Variants in ALK observed in about 807,000 individuals in gnomAD.
ALK encodes the protein ALK receptor tyrosine kinase, also known as ALK tyrosine kinase receptor.
Under a neutral mutation model 163.1 loss-of-function variants are expected in ALK, and 74 were observed. That is an observed-to-expected ratio of 0.45 (90% confidence interval 0.38 to 0.55). The LOEUF is 0.55. Ranked by LOEUF, ALK falls within the 20% of genes least tolerant of loss-of-function variation. The pLI is 0.00. For synonymous variants in ALK, 960 were observed against 843.2 expected, an observed-to-expected ratio of 1.14 and a Z score of -2.40; for missense variants, 2,063 against 2,105.3, an observed-to-expected ratio of 0.98 and a Z score of 0.39.
At position 29,310,908 on chromosome 2, in the gene ALK, T is replaced by C. The variant is rs1057060615; in HGVS notation, c.1647+7396A>G. On this transcript the variant is annotated intron_variant, in intron 8 of 28. Transcript: ENST00000389048. The stretch of plus-strand genomic sequence containing the variant: ...CTCATTACAGTGATGTTATTACAGG[T>C]GTCTGGACGGTTGTCATTAGAGACT... Among the ~76,000 whole-genome samples, 5 of 152,320 alleles carry C rather than the reference T, an allele frequency of 3.3e-5. No individual in the cohort carries two copies. The East Asian group carries it at 9.6e-4, about 29-fold the overall frequency.
At chr2:29,307,824 G>T (rs1284724003) in intron 8 of ALK, among the ~76,000 whole-genome samples, 2 of 152,170 alleles carry the variant, frequency 1.3e-5, no homozygotes, top group Non-Finnish European at 2.9e-5. Context: ...TTGCAATTAT[G>T]GAGGCTTAAG....
chr2:29,628,554 CT>C (rs1362167794), intron 3 of ALK, among the ~76,000 whole-genome samples: 1 of 152,198 alleles, frequency 6.6e-6, no homozygotes, highest in Non-Finnish European at 1.5e-5. Context: ...TTATACTCTA[CT>C]CATTTGTTAT....
At chr2:29,433,704 T>C (rs565798017) in intron 4 of ALK, among the ~76,000 whole-genome samples, 4 of 150,840 alleles carry the variant, frequency 2.7e-5, no homozygotes, top group South Asian at 4.2e-4. Context: ...CTGGGAGTCA[T>C]AGTTTGTCAA....
At chr2:29,487,820 TG>T (rs1428940770) in intron 4 of ALK, among the ~76,000 whole-genome samples, 1 of 152,144 alleles carries the variant, frequency 6.6e-6, no homozygotes, top group African/African-American at 2.4e-5. Flanking sequence ...AGGCCATAGA[TG>T]GCACCAGATC....
At chr2:29,289,143 G>A (rs933403169) in intron 9 of ALK, among the ~76,000 whole-genome samples, 16 of 151,906 alleles carry the variant, frequency 1.1e-4, no homozygotes, top group South Asian at 4.2e-4. Context: ...GAAGATAAAC[G>A]GGCACAGATG....
At chr2:29,308,390 T>C (rs941828868) in intron 8 of ALK, among the ~76,000 whole-genome samples, 1 of 152,146 alleles carries the variant, frequency 6.6e-6, no homozygotes, top group African/African-American at 2.4e-5. Flanking sequence ...ACAATGAACA[T>C]AAAGTTCTTT....
intron 3 of ALK, among the ~76,000 whole-genome samples, chr2:29,550,141 A>G (rs1673677092): frequency 6.6e-6 from 1 of 152,232 alleles, no homozygotes; most frequent in South Asian, 2.1e-4. Flanking sequence ...GCTAATGCTT[A>G]TCCAGTGCCT....
intron 1 of ALK, among the ~76,000 whole-genome samples, chr2:29,894,317 G>C (rs572861349): frequency 2.0e-4 from 30 of 152,180 alleles, no homozygotes; most frequent in African/African-American, 5.3e-4. Context: ...CAGGTGTTTG[G>C]GGATCCAGGA....
chr2:29,623,723 C>T (rs1458500657), intron 3 of ALK, among the ~76,000 whole-genome samples: 1 of 152,204 alleles, frequency 6.6e-6, no homozygotes, highest in African/African-American at 2.4e-5. Context: ...AGAAGAAAAA[C>T]AACCAAATGC....
chr2:29,398,363 T>G (rs1669362082), intron 4 of ALK, among the ~76,000 whole-genome samples: 1 of 152,188 alleles, frequency 6.6e-6, no homozygotes, highest in African/African-American at 2.4e-5. Flanking sequence ...TATATTTAAT[T>G]GATAAGGGCT....
Position 29,526,524 on chromosome 2 carries a change from T to C in ALK, c.1154+5391A>G, listed in dbSNP as rs561448133. Reference sequence around the variant, plus strand: ...CCTAGACATTAAAGGCCTTATTGTATATTTATTAGTGTGTTATTCAGACCA... The same window carrying C: ...CCTAGACATTAAAGGCCTTATTGTACATTTATTAGTGTGTTATTCAGACCA... On this transcript the variant is annotated intron_variant, in intron 4 of 28. Coordinates refer to ENST00000389048, the MANE Select transcript of ALK (RefSeq NM_004304.5). Among the ~76,000 whole-genome samples the C allele has an allele frequency of 9.8e-5, 15 of 152,326 alleles. No homozygotes were observed. The South Asian group carries it at 2.5e-3, about 25-fold the overall frequency.
chr2:29,317,690 A>C (rs1666871348), intron 8 of ALK, among the ~76,000 whole-genome samples: 1 of 152,242 alleles, frequency 6.6e-6, no homozygotes, highest in Non-Finnish European at 1.5e-5. Flanking sequence ...GTGGAACCCG[A>C]CTTGGACTCA....
At chr2:29,390,374 C>G (rs1669135522) in intron 4 of ALK, among the ~76,000 whole-genome samples, 3 of 152,194 alleles carry the variant, frequency 2.0e-5, no homozygotes, top group Admixed American at 2.0e-4. Context: ...GTCCCTGTCA[C>G]ATAGAACACA....
chr2:29,216,821 T>C (rs888503161), intron 23 of ALK, among the ~76,000 whole-genome samples: 1 of 148,824 alleles, frequency 6.7e-6, no homozygotes, highest in African/African-American at 2.5e-5. Context: ...CATATATGTG[T>C]GTGGTGTGTA....
At chr2:29,515,976 G>A (rs1672651163) in intron 4 of ALK, among the ~76,000 whole-genome samples, 1 of 152,142 alleles carries the variant, frequency 6.6e-6, no homozygotes, top group Admixed American at 6.5e-5. Flanking sequence ...GCTGTGAAAG[G>A]CCAGCTCAAG....
At chr2:29,467,346 A>G (rs1671238155) in intron 4 of ALK, among the ~76,000 whole-genome samples, 1 of 151,946 alleles carries the variant, frequency 6.6e-6, no homozygotes, top group African/African-American at 2.4e-5. Flanking sequence ...AATATTTGCT[A>G]TGTTTTTGGC....
chr2:29,889,986 G>T (rs763967707), intron 1 of ALK, among the ~76,000 whole-genome samples: 1 of 152,098 alleles, frequency 6.6e-6, no homozygotes, highest in African/African-American at 2.4e-5. Flanking sequence ...GCTTCAAAAC[G>T]TGTACATCCA....
rs763798074 is a variant in ALK, at chr2:29,275,244, C to T, written c.1913-17G>A. 1.2e-6 allele frequency: 2 copies of T among 1,613,896 alleles called. No individual in the cohort carries two copies. Among genetic ancestry groups the T allele is most frequent in the Admixed American group, 3.3e-5 (2 of 60,014 alleles). On this transcript the variant is annotated splice_polypyrimidine_tract_variant and intron_variant, in intron 10 of 28. Transcript: ENST00000389048. Reference sequence around the variant, plus strand: ...CTCCGCTAACTGCAATAGAGAAGACCCCACGGGCTGAGTTAGGTGAGGGTT... The same window carrying T: ...CTCCGCTAACTGCAATAGAGAAGACTCCACGGGCTGAGTTAGGTGAGGGTT...
intron 4 of ALK, among the ~76,000 whole-genome samples, chr2:29,488,770 G>T (rs1671836288): frequency 6.6e-6 from 1 of 152,198 alleles, no homozygotes; most frequent in Non-Finnish European, 1.5e-5. Context: ...TACCAGGTAG[G>T]CTTAGCAGAA....
Sources: allele counts gnomAD v4.1 joint callset (sites outside exome capture counted in the v4.1 genomes callset), GRCh38; gene constraint gnomAD v4.1.1; transcripts MANE v1.5; gene names NCBI Gene and HGNC (gene_info 2026-07-23, HGNC 2026-07-21).